Variants in FTO observed in about 807,000 individuals in gnomAD.
FTO encodes the protein FTO alpha-ketoglutarate dependent dioxygenase, also known as alpha-ketoglutarate-dependent dioxygenase FTO.
In FTO, 47 loss-of-function variants were observed where a neutral mutation model predicts 63.9. The observed-to-expected ratio is 0.74, with a 90% CI of 0.58 to 0.94. The LOEUF is 0.94. Ranked by LOEUF, FTO falls within the 40% of genes least tolerant of loss-of-function variation. The pLI, the probability that FTO is intolerant of heterozygous loss-of-function variation, is 0.00. For missense variants in FTO, 562 were observed against 618.1 expected (o/e 0.91, Z 0.96); for synonymous variants, 207 against 224.4 (o/e 0.92, Z 0.69).
intron 4 of FTO, among the ~76,000 whole-genome samples, chr16:53,853,690 A>G (rs2079885049): frequency 6.6e-6 from 1 of 152,166 alleles, no homozygotes; most frequent in South Asian, 2.1e-4. Flanking sequence ...TTCATGGTAT[A>G]TATACATGCC....
chr16:53,864,627 A>T (rs2080258852), intron 4 of FTO, among the ~76,000 whole-genome samples: 1 of 152,188 alleles, frequency 6.6e-6, no homozygotes, highest in African/African-American at 2.4e-5. Context: ...TTGTCACATC[A>T]TCTACAAACT....
chr16:54,072,384 C>G (rs1430224734), intron 8 of FTO: 1 of 152,240 alleles, frequency 6.6e-6, no homozygotes, highest in Non-Finnish European at 1.5e-5. Flanking sequence ...CAGCCAGCAG[C>G]CAGCGCCCAG....
chr16:53,923,018 T>G (rs1372487135), intron 7 of FTO: 1 of 152,184 alleles, frequency 6.6e-6, no homozygotes, highest in Non-Finnish European at 1.5e-5. Flanking sequence ...TTACATAGAA[T>G]GCACGTAATA....
chr16:53,982,011 T>A (rs1449599132), intron 8 of FTO: 1 of 150,008 alleles, frequency 6.7e-6, no homozygotes, highest in Non-Finnish European at 1.5e-5. Flanking sequence ...ACCCAGGAGG[T>A]GAAGTTTGCA....
intron 8 of FTO, chr16:53,979,407 T>G (rs1166921502): frequency 3.3e-5 from 13 of 398,496 alleles, no homozygotes; most frequent in Non-Finnish European, 4.4e-6. Flanking sequence ...CAAGAGAGAA[T>G]GCCTCTCCCA....
At chr16:53,961,739 G>A (rs1255403210) in intron 8 of FTO, among the ~76,000 whole-genome samples, 1 of 152,178 alleles carries the variant, frequency 6.6e-6, no homozygotes, top group Non-Finnish European at 1.5e-5. Context: ...CATATGTTGG[G>A]ATCTACCCTG....
intron 8 of FTO, among the ~76,000 whole-genome samples, chr16:54,006,328 T>G (rs944768902): frequency 4.6e-5 from 7 of 152,210 alleles, no homozygotes; most frequent in Non-Finnish European, 1.0e-4. Flanking sequence ...GAATTCTGTT[T>G]CTAGGAATAA....
chr16:53,889,294 T>A (rs1460003070), intron 7 of FTO, among the ~76,000 whole-genome samples: 1 of 152,218 alleles, frequency 6.6e-6, no homozygotes, highest in Non-Finnish European at 1.5e-5. Context: ...AAAAAATTTT[T>A]ACAGCAATGC....
At chr16:53,847,303 T>C (rs1187418992) in intron 4 of FTO, among the ~76,000 whole-genome samples, 1 of 152,212 alleles carries the variant, frequency 6.6e-6, no homozygotes, top group African/African-American at 2.4e-5. Context: ...TACTCAGCGC[T>C]GAACGCTGCT....
intron 1 of FTO, among the ~76,000 whole-genome samples, chr16:53,778,713 T>C (rs2077517228): frequency 6.6e-6 from 1 of 152,066 alleles, no homozygotes. Flanking sequence ...GAGGAGAAAA[T>C]TTCTCTCCTG....
chr16:54,089,741 C>T (rs924786452), intron 8 of FTO, among the ~76,000 whole-genome samples: 1 of 151,610 alleles, frequency 6.6e-6, no homozygotes, highest in Non-Finnish European at 1.5e-5. Context: ...AGACATTTCT[C>T]CAAAGAAGAT....
At chr16:53,892,530 G>A (rs978770730) in intron 7 of FTO, among the ~76,000 whole-genome samples, 2 of 151,998 alleles carry the variant, frequency 1.3e-5, no homozygotes, top group Non-Finnish European at 2.9e-5. Flanking sequence ...TGCTTCCAGG[G>A]ACTATCTTAC....
intron 1 of FTO, among the ~76,000 whole-genome samples, chr16:53,775,023 A>C (rs958321174): frequency 2.0e-5 from 3 of 152,092 alleles, no homozygotes; most frequent in African/African-American, 4.8e-5. Flanking sequence ...TGCCGCCATT[A>C]AATTGGTGAA....
In FTO at chr16:53,865,246, T is replaced by A. The variant is rs150381098; in HGVS notation, c.896-8540T>A. Among the ~76,000 whole-genome samples the A allele has an allele frequency of 5.9e-3, 895 of 152,310 alleles. 3 individuals carry two copies. Among genetic ancestry groups the A allele is most frequent in the Admixed American group, 9.9e-3 (151 of 15,292 alleles). ...CTTCAAACTCCACTTTTTATTATTT[T>A]GCTTGACTCTGAAACCTCCTTTAGG... On this transcript the variant is annotated intron_variant, in intron 4 of 8. Coordinates refer to ENST00000471389, the MANE Select transcript of FTO (RefSeq NM_001080432.3).
intron 7 of FTO, among the ~76,000 whole-genome samples, chr16:53,931,159 T>C (rs1241378394): frequency 6.6e-6 from 1 of 152,008 alleles, no homozygotes; most frequent in Non-Finnish European, 1.5e-5. Flanking sequence ...AAAATAAACA[T>C]TTTAATAGAT....
chr16:53,886,409 T>C (rs1206029803), intron 6 of FTO, among the ~76,000 whole-genome samples: 1 of 152,216 alleles, frequency 6.6e-6, no homozygotes, highest in East Asian at 1.9e-4. Context: ...GCTCTTTCCA[T>C]AGTGTGAACA....
chr16:54,095,615 C>T (rs1274137255), intron 8 of FTO, among the ~76,000 whole-genome samples: 1 of 152,172 alleles, frequency 6.6e-6, no homozygotes, highest in Non-Finnish European at 1.5e-5. Flanking sequence ...AAGGGAGCAA[C>T]GTCCAGCTAA....
chr16:53,995,032 C>T (rs1485276504), intron 8 of FTO, among the ~76,000 whole-genome samples: 1 of 152,210 alleles, frequency 6.6e-6, no homozygotes, highest in Non-Finnish European at 1.5e-5. Context: ...AGAGCTTCCT[C>T]ATATACCCAT....
intron 1 of FTO, among the ~76,000 whole-genome samples, chr16:53,713,749 A>T (rs985503657): frequency 1.3e-5 from 2 of 152,214 alleles, no homozygotes; most frequent in Non-Finnish European, 2.9e-5. Context: ...ACAACATAAG[A>T]TCTACTCTCT....
Sources: allele counts gnomAD v4.1 joint callset (sites outside exome capture counted in the v4.1 genomes callset), GRCh38; gene constraint gnomAD v4.1.1; transcripts MANE v1.5; gene names NCBI Gene and HGNC (gene_info 2026-07-23, HGNC 2026-07-21).